The following CNNM2 variants were observed in gnomAD, a reference collection of about 807,000 sequenced individuals.
The protein encoded by CNNM2 is metal transporter CNNM2.
A neutral mutation model predicts 66.9 loss-of-function variants in CNNM2; 12 were observed. The ratio of observed to expected loss-of-function variants is 0.18; its 90% confidence interval spans 0.11 to 0.29. The LOEUF (loss-of-function observed/expected upper bound fraction) is 0.29. Among genes scored for constraint, CNNM2 ranks in the 10% least tolerant of loss-of-function variants. The probability of loss-of-function intolerance (pLI) is 1.00; values close to 1 mark genes in which losing one functional copy is unlikely to be tolerated. For synonymous variants in CNNM2, 557 were observed against 501.8 expected (o/e 1.11, Z -1.47); for missense variants, 705 against 1,167.7 (o/e 0.60, Z 5.77).
intron 1 of CNNM2, among the ~76,000 whole-genome samples, chr10:103,025,871 G>A (rs2064691695): frequency 6.6e-6 from 1 of 152,168 alleles, no homozygotes; most frequent in African/African-American, 2.4e-5. Flanking sequence ...TATTTGCTGT[G>A]GGTTGAATGT....
chr10:103,059,119 G>T (rs1010487201), intron 4 of CNNM2, among the ~76,000 whole-genome samples: 1 of 152,018 alleles, frequency 6.6e-6, no homozygotes, highest in Admixed American at 6.5e-5. Context: ...GACTACAGGC[G>T]TGCTCCACCA....
In CNNM2 at chr10:103,077,091, C is replaced by A; in HGVS notation, c.2539C>A (p.Pro847Thr). 6.2e-7 allele frequency: 1 copy of A among 1,613,970 alleles called. No homozygotes were observed. The highest frequency in any genetic ancestry group is 8.5e-7 in the Non-Finnish European group (1 of 1,179,880). ...TCTTACGGAGCTGCATGACGGGTTG[C>A]CAGACGAGACAGCCAACCTGCTCAA... ...LTLTELHDGL[P>T]DETANLLNEQ... The change falls in exon 8 of 8, where the codon CCA becomes ACA. Residue 847 changes from proline (P) to threonine (T), a missense_variant. Transcript: ENST00000369878.
intron 1 of CNNM2, among the ~76,000 whole-genome samples, chr10:103,003,116 C>T (rs1386549537): frequency 7.0e-6 from 1 of 142,014 alleles, no homozygotes; most frequent in African/African-American, 2.6e-5. Context: ...ATGTGTGAAT[C>T]TTTTTTTTTT....
At chr10:102,948,527 G>A (rs919419864) in intron 1 of CNNM2, among the ~76,000 whole-genome samples, 1 of 152,064 alleles carries the variant, frequency 6.6e-6, no homozygotes, top group Non-Finnish European at 1.5e-5. Context: ...TAGGTTGGGT[G>A]GTACAAGATG....
intron 1 of CNNM2, among the ~76,000 whole-genome samples, chr10:103,019,351 G>A (rs990809207): frequency 5.3e-5 from 8 of 152,068 alleles, no homozygotes; most frequent in African/African-American, 1.9e-4. Flanking sequence ...GAGAGGTCAT[G>A]GAGATCACAA....
chr10:102,996,418 C>T lies in CNNM2; in HGVS notation c.1622-53289C>T, dbSNP rs116367395. Among the ~76,000 whole-genome samples, 1,784 of 152,206 alleles carry T rather than the reference C, an allele frequency of 0.012. 32 individuals are homozygous for T. The highest frequency in any genetic ancestry group is 0.04 in the African/African-American group (1,662 of 41,560). ...CTGTTTATAACTGCAATTAAGACTT[C>T]TTTGGGCCAGGTGCAACAGCTCACG... On this transcript the variant is annotated intron_variant, in intron 1 of 7. Coordinates refer to ENST00000369878, the MANE Select transcript of CNNM2 (RefSeq NM_017649.5).
At chr10:102,965,351 A>G (rs575706266) in intron 1 of CNNM2, among the ~76,000 whole-genome samples, 2 of 152,356 alleles carry the variant, frequency 1.3e-5, no homozygotes, top group Admixed American at 1.3e-4. Context: ...GCTGGCTTAT[A>G]GTTCCTAAAA....
chr10:102,955,408 A>G (rs892971991), intron 1 of CNNM2, among the ~76,000 whole-genome samples: 20 of 152,326 alleles, frequency 1.3e-4, no homozygotes, highest in African/African-American at 4.6e-4. Flanking sequence ...TTAGACCTAA[A>G]ACCATAAAAA....
rs191419434 is a variant in CNNM2 at position 103,009,533 on chromosome 10, T to G, written c.1622-40174T>G. ...ACCGTGAGACACTTGTCTACAAAAT[T>G]TTTAAAAATTAGCTGAGCATGATGG... is the stretch of plus-strand genomic sequence containing the variant. On this transcript the variant is annotated intron_variant, in intron 1 of 7. Coordinates refer to ENST00000369878, the MANE Select transcript of CNNM2 (RefSeq NM_017649.5). 7.1e-4 allele frequency among the ~76,000 whole-genome samples: 108 copies of G among 151,618 alleles called. 1 individual carries two copies. Among genetic ancestry groups the G allele is most frequent in the African/African-American group, 2.5e-3 (105 of 41,352 alleles).
intron 1 of CNNM2, among the ~76,000 whole-genome samples, chr10:102,984,236 AT>A (rs2063761822): frequency 6.6e-6 from 1 of 152,190 alleles, no homozygotes; most frequent in Non-Finnish European, 1.5e-5. Context: ...CTATTTGGGA[AT>A]GTTCTTTATT....
chr10:103,054,320 C>T lies in CNNM2; in HGVS notation c.1766-9C>T, dbSNP rs1179540782. 6.2e-7 allele frequency: 1 copy of T among 1,612,828 alleles called. No individual in the cohort carries two copies. Among genetic ancestry groups the T allele is most frequent in the Non-Finnish European group, 8.5e-7 (1 of 1,179,472 alleles). On this transcript the variant is annotated splice_polypyrimidine_tract_variant and intron_variant, in intron 2 of 7. Transcript: ENST00000369878. The surrounding 1 kb of genome is among the most constrained non-coding windows in gnomAD (Gnocchi z 5.2). ...TCTTTTTTTTTCTCTCTTTTAATTC[C>T]TCCCTTAGCTGACAACAGAACGAAA... is the stretch of plus-strand genomic sequence containing the variant.
At chr10:102,928,980 C>A (rs1051229515) in intron 1 of CNNM2, among the ~76,000 whole-genome samples, 1 of 152,178 alleles carries the variant, frequency 6.6e-6, no homozygotes, top group Non-Finnish European at 1.5e-5. Context: ...GCTAGGCTCG[C>A]TGGGCGTGGT....
chr10:103,066,292 C>T (rs1177411666), intron 4 of CNNM2, among the ~76,000 whole-genome samples: 1 of 152,170 alleles, frequency 6.6e-6, no homozygotes. Context: ...CCAGCCCTGA[C>T]CTCTCTCCAG....
intron 1 of CNNM2, among the ~76,000 whole-genome samples, chr10:102,985,098 C>CT (rs547333976): frequency 5.9e-5 from 9 of 151,994 alleles, no homozygotes; most frequent in Admixed American, 2.0e-4. Context: ...AAGGGAAAGT[C>CT]TTTTTTTTCT....
At chr10:103,051,507 G>A (rs892245931) in intron 2 of CNNM2, among the ~76,000 whole-genome samples, 5 of 151,908 alleles carry the variant, frequency 3.3e-5, no homozygotes, top group Non-Finnish European at 5.9e-5. Flanking sequence ...TTGGGAGGCC[G>A]AGGCGGGTGG....
intron 1 of CNNM2, among the ~76,000 whole-genome samples, chr10:103,026,251 T>C (rs1217735671): frequency 6.6e-6 from 1 of 152,232 alleles, no homozygotes; most frequent in African/African-American, 2.4e-5. Flanking sequence ...TCTATTCTCT[T>C]AAGTTTTTAT....
chr10:103,028,714 A>AG (rs989076539), intron 1 of CNNM2, among the ~76,000 whole-genome samples: 2 of 152,274 alleles, frequency 1.3e-5, no homozygotes, highest in African/African-American at 4.8e-5. Context: ...AGGAAAAAAA[A>AG]GACAATCTCC....
intron 1 of CNNM2, among the ~76,000 whole-genome samples, chr10:102,982,712 A>G (rs1396617533): frequency 6.6e-6 from 1 of 152,228 alleles, no homozygotes; most frequent in African/African-American, 2.4e-5. Context: ...TGGAAACAAG[A>G]CTGTTCCTAC....
chr10:102,947,894 CA>C (rs780008348), intron 1 of CNNM2, among the ~76,000 whole-genome samples: 1 of 150,394 alleles, frequency 6.6e-6, no homozygotes, highest in African/African-American at 2.4e-5. Context: ...ACTAAAAATA[CA>C]AAAAAAAATT....
Sources: gnomAD v4.1 joint callset for allele counts (sites outside exome capture counted in the v4.1 genomes callset) on GRCh38, gnomAD v4.1.1 for gene constraint, Gnocchi (gnomAD v3.1) non-coding constraint, MANE v1.5 for transcripts, NCBI Gene and HGNC (gene_info 2026-07-23, HGNC 2026-07-21) for gene names.